The following RAB27B variants were observed in gnomAD, a reference collection of about 807,000 sequenced individuals.
RAB27B encodes ras-related protein Rab-27B.
Under a neutral mutation model 24.6 loss-of-function variants are expected in RAB27B, and 15 were observed. The ratio of observed to expected loss-of-function variants is 0.61; its 90% CI spans 0.41 to 0.94. RAB27B has a LOEUF of 0.94. Ranked by LOEUF, RAB27B falls within the 40% of genes least tolerant of loss-of-function variation. The probability of loss-of-function intolerance (pLI) is 0.00; values close to 1 mark genes in which losing one functional copy is unlikely to be tolerated. For synonymous variants in RAB27B, 105 were observed against 92.5 expected (o/e 1.14, Z -0.78); for missense variants, 261 against 266.8 (o/e 0.98, Z 0.15).
At chr18:54,803,154 A>G (rs1444774367) in intron 2 of RAB27B, among the ~76,000 whole-genome samples, 4 of 152,214 alleles carry the variant, frequency 2.6e-5, no homozygotes, top group Non-Finnish European at 5.9e-5. Context: ...AGTTTCACAT[A>G]GTGATGATGT....
rs1350008610 is a variant in RAB27B at position 54,775,483 on chromosome 18, A to T, written c.-20+57342A>T. On this transcript the variant is annotated intron_variant, in intron 2 of 4. Coordinates refer to the RAB27B transcript ENST00000586570. ...CAGGCTACAAACCGGTCATTTCATC[A>T]TGCGGAAACTCTTCCTATTTCTGTC... is the stretch of plus-strand genomic sequence containing the variant. Among the ~76,000 whole-genome samples, 5 of 152,102 alleles carry T rather than the reference A, an allele frequency of 3.3e-5. No individual in the cohort carries two copies. In the East Asian group the frequency reaches 9.6e-4, roughly 29 times the overall value.
At chr18:54,767,417 G>A (rs1234244505) in intron 2 of RAB27B, among the ~76,000 whole-genome samples, 1 of 152,114 alleles carries the variant, frequency 6.6e-6, no homozygotes, top group Non-Finnish European at 1.5e-5. Flanking sequence ...GGTCATGAGG[G>A]TATTTAATTG....
At chr18:54,856,090 C>A (rs1325719243) in intron 1 of RAB27B, among the ~76,000 whole-genome samples, 1 of 152,204 alleles carries the variant, frequency 6.6e-6, no homozygotes, top group Non-Finnish European at 1.5e-5. Flanking sequence ...CAGACGTCAG[C>A]TGGGGAGAAA....
chr18:54,892,139 C>A lies in RAB27B; in HGVS notation c.*2726C>A, dbSNP rs1216207870. ...GCATGTAATTTTAGCCAAGATATGT[C>A]CTGTTACTAAGTATCTCCCAATGCT... On this transcript the variant is annotated 3_prime_UTR_variant, in exon 6 of 6. Coordinates refer to ENST00000262094, the MANE Select transcript of RAB27B (RefSeq NM_004163.4). 1 of 152,038 alleles carries A rather than the reference C, an allele frequency of 6.6e-6. No homozygotes were observed. The highest frequency in any genetic ancestry group is 2.4e-5 in the African/African-American group (1 of 41,422). 9.4% of individuals were successfully genotyped at this position (152,038 alleles called of 1,614,324 possible).
chr18:54,877,630 C>G lies in RAB27B; in HGVS notation c.45C>G (p.Leu15=), dbSNP rs368575112. The change falls in exon 2 of 6, where the codon CTC becomes CTG. Residue 15 remains leucine, a synonymous_variant. Coordinates refer to ENST00000262094, the MANE Select transcript of RAB27B (RefSeq NM_004163.4). ...DYDYLIKLLA[L]GDSGVGKTTF... ...ATTATCTGATCAAACTCCTGGCCCT[C>G]GGGGATTCAGGGGTGGGGAAGACAA... The G allele has an allele frequency of 6.3e-6, 10 of 1,591,604 alleles. No homozygotes were observed. The highest frequency in any genetic ancestry group is 8.5e-6 in the Non-Finnish European group (10 of 1,173,542).
At chr18:54,839,205 G>T (rs1395833520) in intron 1 of RAB27B, among the ~76,000 whole-genome samples, 1 of 152,050 alleles carries the variant, frequency 6.6e-6, no homozygotes, top group Non-Finnish European at 1.5e-5. Flanking sequence ...ATTATTATCA[G>T]CAAAAGCATA....
At chr18:54,850,872 G>T (rs754478654) in intron 1 of RAB27B, among the ~76,000 whole-genome samples, 1 of 151,316 alleles carries the variant, frequency 6.6e-6, no homozygotes, top group Admixed American at 6.6e-5. Context: ...GTGTTGTGTT[G>T]TGTTGTATTT....
intron 2 of RAB27B, among the ~76,000 whole-genome samples, chr18:54,732,758 G>C (rs1440594012): frequency 6.6e-6 from 1 of 151,992 alleles, no homozygotes; most frequent in Non-Finnish European, 1.5e-5. Flanking sequence ...AAAAATAAAA[G>C]GTATTGAGGT....
intron 2 of RAB27B, among the ~76,000 whole-genome samples, chr18:54,811,485 G>T (rs965424556): frequency 2.0e-5 from 3 of 152,106 alleles, no homozygotes; most frequent in Non-Finnish European, 4.4e-5. Context: ...TTGAGTCTTC[G>T]ATCAGTCTTT....
chr18:54,810,964 T>A (rs1909944970), intron 2 of RAB27B, among the ~76,000 whole-genome samples: 1 of 152,134 alleles, frequency 6.6e-6, no homozygotes, highest in African/African-American at 2.4e-5. Flanking sequence ...ATTCTGTTGT[T>A]AAATTATCTT....
rs1262528737 is a variant in RAB27B, at chr18:54,889,572, T to C, written c.*159T>C. The C allele has an allele frequency of 3.1e-6, 2 of 654,590 alleles. No homozygotes were observed. The highest frequency in any genetic ancestry group is 6.8e-5 in the Admixed American group (2 of 29,540). The allele number at this position is 654,590 out of a possible 1,614,324, so 40.5% of individuals were successfully genotyped here. ...TAAGAAACCAGAATAGTCAACAGTGTTCAAAAGAATTGACTAGTTATCCCT... is the reference window on the plus strand; with the variant it reads ...TAAGAAACCAGAATAGTCAACAGTGCTCAAAAGAATTGACTAGTTATCCCT... On this transcript the variant is annotated 3_prime_UTR_variant, in exon 6 of 6. Coordinates refer to ENST00000262094, the MANE Select transcript of RAB27B (RefSeq NM_004163.4).
At chr18:54,853,435 GTA>G (rs367586113) in intron 1 of RAB27B, among the ~76,000 whole-genome samples, 1 of 151,898 alleles carries the variant, frequency 6.6e-6, no homozygotes, top group African/African-American at 2.4e-5. Context: ...CTTGCTTTAT[GTA>G]TATATATATA....
chr18:54,795,745 G>T (rs909476548), intron 2 of RAB27B, among the ~76,000 whole-genome samples: 5 of 152,114 alleles, frequency 3.3e-5, no homozygotes, highest in Non-Finnish European at 7.4e-5. Context: ...CTAGAAACTT[G>T]TCTCTAAGAC....
intron 1 of RAB27B, among the ~76,000 whole-genome samples, chr18:54,875,543 T>A (rs201499973): frequency 0.27 from 36,302 of 136,176 alleles, 4,369 homozygotes; most frequent in African/African-American, 0.32. Flanking sequence ...TTGTCTAGGT[T>A]TTTTTTTTTT....
intron 1 of RAB27B, among the ~76,000 whole-genome samples, chr18:54,871,203 AAAATAC>A (rs1363725577): frequency 3.3e-5 from 5 of 152,244 alleles, no homozygotes; most frequent in Non-Finnish European, 5.9e-5. Flanking sequence ...AATGCTAAAA[AAAATAC>A]ACTAAAGAAG....
At chr18:54,888,561 C>T (rs772724933) in intron 5 of RAB27B, among the ~76,000 whole-genome samples, 2 of 151,672 alleles carry the variant, frequency 1.3e-5, no homozygotes, top group Non-Finnish European at 2.9e-5. Context: ...AGAAATAATC[C>T]CTGACAAGGG....
intron 2 of RAB27B, among the ~76,000 whole-genome samples, chr18:54,741,467 T>G (rs911716754): frequency 6.6e-6 from 1 of 152,162 alleles, no homozygotes; most frequent in Non-Finnish European, 1.5e-5. Context: ...TTATGTACTG[T>G]GCTGCTGAAC....
At chr18:54,863,373 G>A (rs191007344) in intron 1 of RAB27B, among the ~76,000 whole-genome samples, 53 of 152,194 alleles carry the variant, frequency 3.5e-4, no homozygotes, top group Middle Eastern at 3.4e-3. Flanking sequence ...TTTCAGGAGG[G>A]TATTATTGTT....
Position 54,894,371 on chromosome 18 carries a change from G to T in RAB27B, c.*4958G>T, listed in dbSNP as rs1913487611. 2.0e-5 allele frequency: 3 copies of T among 151,950 alleles called. No homozygotes were observed. Among genetic ancestry groups the T allele is most frequent in the Admixed American group, 6.6e-5 (1 of 15,226 alleles). 9.4% of individuals were successfully genotyped at this position (151,950 alleles called of 1,614,324 possible). A position where few individuals can be genotyped will look rare whatever the true frequency, so the allele number is the denominator to read the frequency against. On this transcript the variant is annotated 3_prime_UTR_variant, in exon 6 of 6. Transcript: ENST00000262094. ...ATCCTTCAGCTGACTTTGTCTACAA[G>T]GATTATTAGCAAATTCTGTAGGAGC...
Sources: allele counts gnomAD v4.1 joint callset (sites outside exome capture counted in the v4.1 genomes callset), GRCh38; gene constraint gnomAD v4.1.1; transcripts MANE v1.5; gene names NCBI Gene and HGNC (gene_info 2026-07-23, HGNC 2026-07-21).